Variants in TRDN observed in about 807,000 individuals in gnomAD.
The protein encoded by TRDN is triadin in skeletal muscle.
A neutral mutation model predicts 149.7 loss-of-function variants in TRDN; 161 were observed. That is an observed-to-expected ratio of 1.08 (90% CI 0.95 to 1.23). The LOEUF (loss-of-function observed/expected upper bound fraction) is 1.23, where lower values mean the gene tolerates loss of function less well. Ranked by LOEUF, TRDN falls within the 50% of genes most tolerant of loss-of-function variation. The pLI, the probability that TRDN is intolerant of heterozygous loss-of-function variation, is 0.00. For missense variants in TRDN, 896 were observed against 823.5 expected, an observed-to-expected ratio of 1.09 and a Z score of -1.08; for synonymous variants, 294 against 250.5, an observed-to-expected ratio of 1.17 and a Z score of -1.64.
At chr6:123,344,416 A>G (rs1000935140) in intron 21 of TRDN, among the ~76,000 whole-genome samples, 13 of 151,988 alleles carry the variant, frequency 8.6e-5, no homozygotes, top group Admixed American at 7.2e-4. Flanking sequence ...AAAATTCTCT[A>G]TGCTCCACCT....
At chr6:123,458,877 A>T (rs1174523964) in intron 10 of TRDN, among the ~76,000 whole-genome samples, 3 of 152,128 alleles carry the variant, frequency 2.0e-5, no homozygotes, top group African/African-American at 4.8e-5. Flanking sequence ...AAAAAGGGGA[A>T]CACTGGTTTA....
chr6:123,288,811 G>T (rs1777889433), intron 24 of TRDN, among the ~76,000 whole-genome samples: 1 of 151,942 alleles, frequency 6.6e-6, no homozygotes, highest in African/African-American at 2.4e-5. Flanking sequence ...TTGGAGAATA[G>T]CATGAAGGCT....
chr6:123,536,779 G>T (rs1780565470), intron 4 of TRDN, among the ~76,000 whole-genome samples: 1 of 151,972 alleles, frequency 6.6e-6, no homozygotes, highest in Non-Finnish European at 1.5e-5. Context: ...AGCTACTTGG[G>T]AGGCTGAGAC....
At chr6:123,251,328 C>T (rs1296554463) in intron 38 of TRDN, among the ~76,000 whole-genome samples, 2 of 151,982 alleles carry the variant, frequency 1.3e-5, no homozygotes, top group Non-Finnish European at 2.9e-5. Flanking sequence ...CCACTGACTA[C>T]ATGGGGATTT....
chr6:123,351,940 G>A, intron 21 of TRDN: 4 of 982,142 alleles, frequency 4.1e-6, no homozygotes, highest in Non-Finnish European at 4.8e-6. Context: ...AGCAGAGTCT[G>A]GAGTGATCTA....
chr6:123,325,875 C>T (rs2114716544), intron 23 of TRDN, among the ~76,000 whole-genome samples: 1 of 152,218 alleles, frequency 6.6e-6, no homozygotes, highest in East Asian at 1.9e-4. Flanking sequence ...CATACTCCTT[C>T]AATAAATCAT....
intron 2 of TRDN, among the ~76,000 whole-genome samples, chr6:123,549,167 G>A (rs1781265478): frequency 6.6e-6 from 1 of 151,962 alleles, no homozygotes; most frequent in Admixed American, 6.6e-5. Flanking sequence ...ATTTATCTTA[G>A]TCATCCCTGT....
At position 123,274,645 on chromosome 6, in the gene TRDN, T is replaced by C. The variant is rs769926882; in HGVS notation, c.1593A>G (p.Lys531=). The change falls in exon 27 of 41, where the codon AAA becomes AAG. Residue 531 remains lysine (K), a synonymous_variant. Coordinates refer to ENST00000334268, the MANE Select transcript of TRDN (RefSeq NM_006073.4). The stretch of plus-strand genomic sequence containing the variant: ...ATAAAATAAAGCTCATGTTACCTGG[T>C]TTTGCTTCTTTTTTAATTTGGGGCT... ...KPEPQIKKEA[K]PAISEKVQIH... is the part of the protein sequence containing the mutation. 12 of 1,608,060 alleles carry C rather than the reference T, an allele frequency of 7.5e-6. No individual in the cohort carries two copies. The highest frequency in any genetic ancestry group is 4.0e-5 in the African/African-American group (3 of 74,702).
intron 10 of TRDN, among the ~76,000 whole-genome samples, chr6:123,455,019 G>T (rs1175313092): frequency 2.6e-5 from 4 of 152,156 alleles, no homozygotes; most frequent in Admixed American, 1.3e-4. Context: ...GATATACTCT[G>T]TGAAAAACTT....
chr6:123,509,651 C>T (rs1030669426), intron 7 of TRDN: 1 of 152,088 alleles, frequency 6.6e-6, no homozygotes, highest in Non-Finnish European at 1.5e-5. Context: ...ACTTTGTTTG[C>T]CACCTTGTAA....
intron 1 of TRDN, among the ~76,000 whole-genome samples, chr6:123,582,156 A>G (rs532472540): frequency 6.6e-6 from 1 of 152,336 alleles, no homozygotes; most frequent in South Asian, 2.1e-4. Context: ...TCAGTTCAGA[A>G]GAGTGAGACA....
chr6:123,512,473 A>T, intron 6 of TRDN, 111 bp from the exon 7 acceptor site: 1 of 586,582 alleles, frequency 1.7e-6, no homozygotes, highest in Non-Finnish European at 3.0e-6. Context: ...TATTTTGAAA[A>T]TGTATGACAT....
intron 12 of TRDN, among the ~76,000 whole-genome samples, chr6:123,428,098 T>G (rs6916280): frequency 0.89 from 135,309 of 152,184 alleles, 60,366 homozygotes; most frequent in East Asian, 0.99. Flanking sequence ...CAATGTTGTA[T>G]CTAGTCCATC....
chr6:123,477,802 C>G (rs562055249), intron 9 of TRDN, among the ~76,000 whole-genome samples: 1 of 151,112 alleles, frequency 6.6e-6, no homozygotes, highest in African/African-American at 2.4e-5. Context: ...AGTAAACTAT[C>G]GCAAGAACAA....
chr6:123,546,326 G>C (rs1781111408), intron 4 of TRDN, among the ~76,000 whole-genome samples: 1 of 151,966 alleles, frequency 6.6e-6, no homozygotes, highest in African/African-American at 2.4e-5. Context: ...CTTTTTTGCT[G>C]TGTAAGTTAC....
At chr6:123,350,820 A>G in intron 21 of TRDN, 1 of 983,954 alleles carries the variant, frequency 1.0e-6, no homozygotes. Flanking sequence ...TTTTTTTCAC[A>G]CAATCCAAGA....
chr6:123,345,721 T>G (rs1203954129), intron 21 of TRDN, among the ~76,000 whole-genome samples: 1 of 152,088 alleles, frequency 6.6e-6, no homozygotes, highest in Non-Finnish European at 1.5e-5. Flanking sequence ...ATTTAGTTTC[T>G]GTTTATTTCT....
At chr6:123,438,237 T>A in intron 11 of TRDN, 115 bp from the exon 12 acceptor site, 1 of 741,626 alleles carries the variant, frequency 1.3e-6, no homozygotes, top group Middle Eastern at 2.7e-4. Context: ...AAATCTTAAA[T>A]CAGCCATAAG....
intron 10 of TRDN, among the ~76,000 whole-genome samples, chr6:123,453,449 A>G (rs1454510576): frequency 6.6e-6 from 1 of 152,216 alleles, no homozygotes; most frequent in Non-Finnish European, 1.5e-5. Flanking sequence ...TGGGCTAAGG[A>G]CATGAATAGA....
Sources: allele counts gnomAD v4.1 joint callset (sites outside exome capture counted in the v4.1 genomes callset), GRCh38; gene constraint gnomAD v4.1.1; transcripts MANE v1.5; gene names NCBI Gene and HGNC (gene_info 2026-07-23, HGNC 2026-07-21).